UTP18: variants seen among roughly 807,000 people sequenced by gnomAD.
The protein encoded by UTP18 is U3 small nucleolar RNA-associated protein 18 homolog.
In UTP18, 36 loss-of-function variants were observed where a neutral mutation model predicts 61.1. The ratio of observed to expected loss-of-function variants is 0.59; its 90% CI spans 0.45 to 0.78. The LOEUF (loss-of-function observed/expected upper bound fraction) is 0.78. UTP18 is among the 30% of genes least tolerant of loss of function. UTP18 has a pLI of 0.00. For synonymous variants in UTP18, 282 were observed against 251.1 expected (o/e 1.12, Z -1.16); for missense variants, 753 against 693.9 (o/e 1.09, Z -0.96).
At chr17:51,265,480 C>G (rs1041002744) in intron 2 of UTP18, among the ~76,000 whole-genome samples, 5 of 150,012 alleles carry the variant, frequency 3.3e-5, no homozygotes, top group Non-Finnish European at 5.9e-5. Context: ...CCAGGCTGGT[C>G]TCGAGCTCCC....
chr17:51,263,367 G>C lies in UTP18; in HGVS notation c.436G>C (p.Glu146Gln). 6.2e-7 allele frequency: 1 copy of C among 1,614,074 alleles called. No individual in the cohort carries two copies. ...PQKKPVWVDEEDEDEEMVDMM... is the reference protein window; with the variant it reads ...PQKKPVWVDEQDEDEEMVDMM... ...AAAGAAGCCAGTTTGGGTGGATGAAGAAGATGAAGATGAGGAAATGTAAGT... is the reference window on the plus strand; with the variant it reads ...AAAGAAGCCAGTTTGGGTGGATGAACAAGATGAAGATGAGGAAATGTAAGT... Residue 146 changes from glutamate (E) to glutamine (Q), a missense_variant, in exon 2 of 14, where the codon GAA (glutamate) becomes CAA (glutamine). By Grantham distance (29) the Glu-to-Gln change is conservative. Coordinates refer to ENST00000225298, the MANE Select transcript of UTP18 (RefSeq NM_016001.3).
chr17:51,270,480 G>T (rs1307923437), intron 4 of UTP18, among the ~76,000 whole-genome samples: 2 of 152,128 alleles, frequency 1.3e-5, no homozygotes, highest in African/African-American at 4.8e-5. Flanking sequence ...TTTGGGTATG[G>T]TTATGCTAGC....
At chr17:51,287,576 T>C (rs1222003847) in intron 10 of UTP18, among the ~76,000 whole-genome samples, 4 of 151,942 alleles carry the variant, frequency 2.6e-5, no homozygotes, top group Non-Finnish European at 5.9e-5. Context: ...GGGGTGATGG[T>C]GTTAGAAGAG....
intron 3 of UTP18, among the ~76,000 whole-genome samples, chr17:51,267,428 C>T (rs1042412766): frequency 6.6e-6 from 1 of 151,172 alleles, no homozygotes; most frequent in African/African-American, 2.4e-5. Context: ...TGTGCCACCA[C>T]CTCTTCAATC....
At chr17:51,260,968 G>A in intron 1 of UTP18, 42 bp downstream of exon 1, 3 of 1,429,926 alleles carry the variant, frequency 2.1e-6, no homozygotes, top group Non-Finnish European at 9.1e-7. Flanking sequence ...CACTCGGGCG[G>A]GGCGCGCGGT....
rs371998698 is a variant in UTP18, at chr17:51,285,231, G to T, written c.1205-14G>T. ...AGCAAAATTAACAACTCTTTTTTTC[G>T]CTCTTTTATGCAGGGGATGGAGAAG... is the stretch of plus-strand genomic sequence containing the variant. On this transcript the variant is annotated splice_polypyrimidine_tract_variant and intron_variant, in intron 9 of 13. Coordinates refer to ENST00000225298, the MANE Select transcript of UTP18 (RefSeq NM_016001.3). 12 of 1,608,094 alleles carry T rather than the reference G, an allele frequency of 7.5e-6. No individual in the cohort carries two copies. The African/African-American group carries it at 1.5e-4, about 20-fold the overall frequency.
chr17:51,272,121 CAG>C (rs1904550059), intron 4 of UTP18, among the ~76,000 whole-genome samples: 1 of 151,072 alleles, frequency 6.6e-6, no homozygotes, highest in Admixed American at 6.6e-5. Flanking sequence ...TTTTTTGAGA[CAG>C]AGTCTTATTC....
At chr17:51,273,734 T>TA (rs1330052621) in intron 5 of UTP18, among the ~76,000 whole-genome samples, 1 of 145,880 alleles carries the variant, frequency 6.9e-6, no homozygotes, top group Non-Finnish European at 1.5e-5. Flanking sequence ...ACCCTGTCTC[T>TA]AAAATAATAA....
At position 51,288,908 on chromosome 17, in the gene UTP18, C is replaced by G. The variant is rs1003150657; in HGVS notation, c.1503+705C>G. Among the ~76,000 whole-genome samples, 18 of 152,318 alleles carry G rather than the reference C, an allele frequency of 1.2e-4. 1 individual carries two copies. Among genetic ancestry groups the G allele is most frequent in the Admixed American group, 1.0e-3 (16 of 15,294 alleles). ...TTCCTCCAGTAATGAGTTGTAACAA[C>G]ATGTGTTAAGTGTTTTCTACCTGGG... On this transcript the variant is annotated intron_variant, in intron 11 of 13. Transcript: ENST00000225298.
rs572762535 is a variant in UTP18 at position 51,275,357 on chromosome 17, C to G, written c.712-509C>G. ...AGTCCAGGTGATGGATGTGAGATTA[C>G]CATTACTTTAAACTTGGAACCATGT... On this transcript the variant is annotated intron_variant, in intron 5 of 13. Coordinates refer to ENST00000225298, the MANE Select transcript of UTP18 (RefSeq NM_016001.3). Among the ~76,000 whole-genome samples the G allele has an allele frequency of 8.5e-5, 13 of 152,274 alleles. No individual in the cohort carries two copies. In the South Asian group the frequency reaches 2.7e-3, roughly 32 times the overall value.
chr17:51,273,318 C>T (rs1435142752), intron 4 of UTP18, 44 bp from the exon 5 acceptor site: 8 of 1,481,138 alleles, frequency 5.4e-6, no homozygotes, highest in Non-Finnish European at 7.4e-6. Context: ...AAAGGGGCAG[C>T]TCATTGATTC....
chr17:51,284,538 T>C (rs1490431920), intron 9 of UTP18, among the ~76,000 whole-genome samples: 1 of 152,204 alleles, frequency 6.6e-6, no homozygotes, highest in Non-Finnish European at 1.5e-5. Flanking sequence ...CCTTGCCTAT[T>C]AGGTAGTCTA....
At chr17:51,265,925 T>G (rs2055556154) in intron 2 of UTP18, among the ~76,000 whole-genome samples, 2 of 152,210 alleles carry the variant, frequency 1.3e-5, no homozygotes, top group Non-Finnish European at 1.5e-5. Flanking sequence ...GAGAATTTCA[T>G]AAACTGTGTG....
intron 1 of UTP18, among the ~76,000 whole-genome samples, chr17:51,262,969 CT>C (rs1303381504): frequency 6.6e-6 from 1 of 152,194 alleles, no homozygotes; most frequent in Non-Finnish European, 1.5e-5. Flanking sequence ...ATTTCTCCTC[CT>C]TTTTTCATCT....
chr17:51,278,921 A>G (rs192720172), intron 7 of UTP18, among the ~76,000 whole-genome samples: 5 of 152,178 alleles, frequency 3.3e-5, no homozygotes, highest in African/African-American at 1.2e-4. Flanking sequence ...GCATGAGTCC[A>G]AGCAAGGGAA....
At position 51,273,376 on chromosome 17, in the gene UTP18, G is replaced by A. The variant is rs779031199; in HGVS notation, c.637G>A (p.Asp213Asn). ...GTTTGACTTAGATGAAAGTGAAGAGGATGAAGATGATTTGTTGCAAAGGAC... is the reference window on the plus strand; with the variant it reads ...GTTTGACTTAGATGAAAGTGAAGAGAATGAAGATGATTTGTTGCAAAGGAC... ...KTSSDDESEE[D>N]EDDLLQRTGN... The change falls in exon 5 of 14, where the codon GAT becomes AAT. Residue 213 changes from aspartate (D) to asparagine (N), a missense_variant. Coordinates refer to ENST00000225298, the MANE Select transcript of UTP18 (RefSeq NM_016001.3). The A allele has an allele frequency of 6.2e-7, 1 of 1,609,594 alleles. No homozygotes were observed. The highest frequency in any genetic ancestry group is 1.1e-5 in the South Asian group (1 of 90,552).
chr17:51,267,179 T>G (rs2055569689), intron 3 of UTP18, among the ~76,000 whole-genome samples: 1 of 152,208 alleles, frequency 6.6e-6, no homozygotes, highest in African/African-American at 2.4e-5. Flanking sequence ...TCGCCCAGGC[T>G]GGTCTTGAAC....
Position 51,294,023 on chromosome 17 carries a change from AAGGGCAAGGCCCTGATGTAT to A in UTP18, c.1628_1646+1del. On this transcript the variant is annotated frameshift_variant and splice_region_variant, in exon 12 of 14. Transcript: ENST00000225298. LOFTEE classifies it high-confidence loss of function. ...TGGATACTTTGCCTTGGGGAATGAA[AAGGGCAAGGCCCTGATGTAT>A]AGGTAGGTATTATTTATGTTTAAAA... is the stretch of plus-strand genomic sequence containing the variant. 1 of 1,609,482 alleles carries A rather than the reference AAGGGCAAGGCCCTGATGTAT, an allele frequency of 6.2e-7. No individual in the cohort carries two copies. Among genetic ancestry groups the A allele is most frequent in the Non-Finnish European group, 8.5e-7 (1 of 1,178,032 alleles).
At position 51,277,230 on chromosome 17, in the gene UTP18, C is replaced by T. The variant is rs565615208; in HGVS notation, c.938C>T (p.Thr313Met). The T allele has an allele frequency of 8.7e-6, 14 of 1,614,112 alleles. No homozygotes were observed. Among genetic ancestry groups the T allele is most frequent in the East Asian group, 4.5e-5 (2 of 44,876 alleles). Residue 313 changes from threonine to methionine, a missense_variant, in exon 7 of 14, where the codon ACG (threonine) becomes ATG (methionine). Coordinates refer to ENST00000225298, the MANE Select transcript of UTP18 (RefSeq NM_016001.3). ...FSANGEEVLA[T>M]STHSKVLYVY... ...GCTAATGGGGAAGAAGTTTTAGCCACGAGTACCCACAGCAAGGTTCTTTAT... is the reference window on the plus strand; with the variant it reads ...GCTAATGGGGAAGAAGTTTTAGCCATGAGTACCCACAGCAAGGTTCTTTAT...
Sources: gnomAD v4.1 joint callset for allele counts (sites outside exome capture counted in the v4.1 genomes callset) on GRCh38, gnomAD v4.1.1 for gene constraint, MANE v1.5 for transcripts, NCBI Gene and HGNC (gene_info 2026-07-23, HGNC 2026-07-21) for gene names.